Variants in NEB observed in about 807,000 individuals in gnomAD.
The protein encoded by NEB is nebulin, also known as nemaline myopathy type 2.
A neutral mutation model predicts 952.2 loss-of-function variants in NEB; 512 were observed. That is an observed-to-expected ratio of 0.54 (90% CI 0.50 to 0.58). The LOEUF is 0.58. NEB is among the 20% of genes least tolerant of loss of function. NEB has a pLI of 0.00. For synonymous variants in NEB, 2,900 were observed against 3,149.8 expected (o/e 0.92, Z 2.66); for missense variants, 8,428 against 9,231.1 (o/e 0.91, Z 3.56).
At chr2:151,699,908 T>C (rs1372864864) in intron 13 of NEB, among the ~76,000 whole-genome samples, 8 of 151,498 alleles carry the variant, frequency 5.3e-5, no homozygotes, top group African/African-American at 1.9e-4. Flanking sequence ...TTGCCATTGC[T>C]TTTGGTGTTT....
At chr2:151,635,627 C>T (rs1364530220) in intron 64 of NEB, among the ~76,000 whole-genome samples, 1 of 151,132 alleles carries the variant, frequency 6.6e-6, no homozygotes, top group East Asian at 1.9e-4. Context: ...AATCGCTTGA[C>T]CCCAGGGGGC....
At chr2:151,521,403 C>G (rs565372251) in intron 153 of NEB, among the ~76,000 whole-genome samples, 3 of 152,142 alleles carry the variant, frequency 2.0e-5, no homozygotes, top group Non-Finnish European at 2.9e-5. Context: ...AAGTTTCACT[C>G]TCAACATAAA....
At chr2:151,617,588 T>A in intron 74 of NEB, 120 bp from the exon 75 acceptor site, 1 of 583,522 alleles carries the variant, frequency 1.7e-6, no homozygotes, top group Non-Finnish European at 2.9e-6. Context: ...AATAAAATTA[T>A]TAAAGCTGCA....
chr2:151,706,978 T>C lies in NEB; in HGVS notation c.1055A>G (p.Tyr352Cys), dbSNP rs2099709129. The change falls in exon 13 of 182, where the codon TAT becomes TGT. Residue 352 changes from tyrosine (Y) to cysteine (C), a missense_variant. Transcript: ENST00000397345. ...AASKVKYKED[Y>C]EKNKGKADYN... is the part of the protein sequence containing the mutation. ...ATCTGCTTTTCCTTTATTCTTTTCATAGTCTTCTTTGTATTTTACCTGTAG... is the reference window on the plus strand; with the variant it reads ...ATCTGCTTTTCCTTTATTCTTTTCACAGTCTTCTTTGTATTTTACCTGTAG... The C allele has an allele frequency of 6.3e-7, 1 of 1,584,216 alleles. No individual in the cohort carries two copies. The highest frequency in any genetic ancestry group is 8.6e-7 in the Non-Finnish European group (1 of 1,162,740).
At position 151,627,418 on chromosome 2, in the gene NEB, GA is replaced by G. The variant is rs201317374; in HGVS notation, c.10143+104del. 4,725 of 1,496,512 alleles carry G rather than the reference GA, an allele frequency of 3.2e-3. 73 individuals carry two copies. The East Asian group carries it at 0.042, about 13-fold the overall frequency. 92.7% of individuals were successfully genotyped at this position (1,496,512 alleles called of 1,614,324 possible). ...TTGCCTAAAAAATGAGCAGAGAGAA[GA>G]AATGTCATCCCTTCTGAAGGTTCTA... On this transcript the variant is annotated intron_variant, in intron 69 of 181. Transcript: ENST00000397345.
chr2:151,494,391 A>C (rs1277129370), intron 173 of NEB, 138 bp from the exon 174 acceptor site: 1 of 656,922 alleles, frequency 1.5e-6, no homozygotes, highest in Non-Finnish European at 2.7e-6. Flanking sequence ...GGAAAGTAGT[A>C]TGTTTCCTAA....
intron 124 of NEB, among the ~76,000 whole-genome samples, chr2:151,556,730 C>T (rs1272296622): frequency 1.3e-5 from 2 of 151,926 alleles, no homozygotes; most frequent in African/African-American, 2.4e-5. Flanking sequence ...TGGAGACCTA[C>T]AGAGAGACTT....
Position 151,524,326 on chromosome 2 carries a change from G to A in NEB, c.22464C>T (p.Ala7488=). The A allele has an allele frequency of 1.2e-6, 2 of 1,613,790 alleles. No individual in the cohort carries two copies. The highest frequency in any genetic ancestry group is 1.7e-6 in the Non-Finnish European group (2 of 1,179,844). The change falls in exon 153 of 182, where the codon GCC becomes GCT. Residue 7488 remains alanine (A), a synonymous_variant. Coordinates refer to ENST00000397345, the MANE Select transcript of NEB (RefSeq NM_001164508.2). ...TCTGCATTACCTGGCTGCTCAGCTT[G>A]GCTGCCTTCTTGGCCATTTCTATGT... ...RPDIEMAKKA[A]KLSSQVKYRE...
intron 6 of NEB, 94 bp downstream of exon 6, chr2:151,725,359 G>A: frequency 1.0e-6 from 1 of 953,804 alleles, no homozygotes; most frequent in Non-Finnish European, 1.6e-6. Flanking sequence ...TAATTCAACT[G>A]CTCATTCTCA....
At chr2:151,517,748 C>CT (rs2153371613) in intron 156 of NEB, among the ~76,000 whole-genome samples, 1 of 152,188 alleles carries the variant, frequency 6.6e-6, no homozygotes, top group South Asian at 2.1e-4. Flanking sequence ...CTTGATACCT[C>CT]TAAGCATAGA....
At chr2:151,498,106 CTG>C (rs2061558045) in intron 170 of NEB, 152 bp downstream of exon 170, 3 of 1,487,820 alleles carry the variant, frequency 2.0e-6, no homozygotes, top group South Asian at 1.3e-5. Flanking sequence ...TTGACATTAA[CTG>C]TATTATAGAA....
rs924831918 is a variant in NEB, at chr2:151,672,682, T to G, written c.3988-2A>C. 5 of 1,606,944 alleles carry G rather than the reference T, an allele frequency of 3.1e-6. No individual in the cohort carries two copies. ...CTCATAAGCTTCCTTGTATTTATAC[T>G]GTGGAGGCAGAATTGGGTTAGCAAA... On this transcript the variant is annotated splice_acceptor_variant, in intron 36 of 181. Coordinates refer to ENST00000397345, the MANE Select transcript of NEB (RefSeq NM_001164508.2). LOFTEE classifies it high-confidence loss of function.
chr2:151,664,428 C>T (rs1436772375), intron 44 of NEB, 73 bp downstream of exon 44: 1 of 1,142,082 alleles, frequency 8.8e-7, no homozygotes, highest in Non-Finnish European at 1.2e-6. Flanking sequence ...GACCACTGCT[C>T]CTACATACAC....
chr2:151,539,720 G>A (rs2093753542), intron 138 of NEB, among the ~76,000 whole-genome samples: 1 of 152,144 alleles, frequency 6.6e-6, no homozygotes, highest in South Asian at 2.1e-4. Context: ...CCATTAAAAG[G>A]CAGCCTTGCC....
At chr2:151,548,484 A>G (rs2094972700) in intron 130 of NEB, 69 bp from the exon 131 acceptor site, 3 of 1,085,532 alleles carry the variant, frequency 2.8e-6, no homozygotes, top group East Asian at 2.4e-5. Context: ...TTCTCCAAAT[A>G]GAAAAGAGAT....
At chr2:151,694,269 A>G in intron 20 of NEB, 54 bp downstream of exon 20, 1 of 1,456,636 alleles carries the variant, frequency 6.9e-7, no homozygotes, top group Non-Finnish European at 9.6e-7. Flanking sequence ...GTTATATTAA[A>G]CAGCAACTTT....
chr2:151,730,741 C>T (rs566010204), intron 3 of NEB, among the ~76,000 whole-genome samples: 14 of 152,096 alleles, frequency 9.2e-5, no homozygotes, highest in African/African-American at 3.1e-4. Context: ...CCTCAATGGC[C>T]TGCATTCTTT....
Position 151,612,336 on chromosome 2 carries a change from A to C in NEB, c.11655T>G (p.Ile3885Met). ...TCACTTTCTCGACCTCTACAGAGCC[A>C]ATGGGAACCCATCCTATGCCTCTCA... ...EWLRGIGWVP[I>M]GSVEVEKVKR... The change falls in exon 78 of 182, where the codon ATT (isoleucine) becomes ATG (methionine). Residue 3885 changes from isoleucine (I) to methionine (M), a missense_variant. Transcript: ENST00000397345. 6.2e-7 allele frequency: 1 copy of C among 1,613,856 alleles called. No individual in the cohort carries two copies. The highest frequency in any genetic ancestry group is 1.3e-5 in the African/African-American group (1 of 75,044).
intron 85 of NEB, among the ~76,000 whole-genome samples, chr2:151,604,058 A>G (rs1314194487): frequency 7.8e-6 from 1 of 127,772 alleles, no homozygotes; most frequent in Non-Finnish European, 1.7e-5. Flanking sequence ...TTCTACACTC[A>G]CCACTTGAAG....
Sources: allele counts gnomAD v4.1 joint callset (sites outside exome capture counted in the v4.1 genomes callset), GRCh38; gene constraint gnomAD v4.1.1; transcripts MANE v1.5; gene names NCBI Gene and HGNC (gene_info 2026-07-23, HGNC 2026-07-21).